The following KCNC2 variants were observed in gnomAD, a reference collection of about 807,000 sequenced individuals.
KCNC2 encodes potassium voltage-gated channel subfamily C member 2.
Under a neutral mutation model 44.5 loss-of-function variants are expected in KCNC2, and 21 were observed. That is an observed-to-expected ratio of 0.47 (90% CI 0.33 to 0.68). The LOEUF (loss-of-function observed/expected upper bound fraction) is 0.68, where lower values mean the gene tolerates loss of function less well. Ranked by LOEUF, KCNC2 falls within the 30% of genes least tolerant of loss-of-function variation. The probability of loss-of-function intolerance (pLI) is 0.01; values close to 1 mark genes in which losing one functional copy is unlikely to be tolerated. For missense variants in KCNC2, 589 were observed against 826.2 expected, an observed-to-expected ratio of 0.71 and a Z score of 3.52; for synonymous variants, 391 against 339.1, an observed-to-expected ratio of 1.15 and a Z score of -1.68.
Position 75,040,966 on chromosome 12 carries a change from T to C in KCNC2, c.*2139A>G. 1 of 666,558 alleles carries C rather than the reference T, an allele frequency of 1.5e-6. No individual in the cohort carries two copies. Among genetic ancestry groups the C allele is most frequent in the Non-Finnish European group, 2.6e-6 (1 of 380,870 alleles). The allele number at this position is 666,558 out of a possible 1,614,324, so 41.3% of individuals were successfully genotyped here. On this transcript the variant is annotated 3_prime_UTR_variant, in exon 5 of 5. Transcript: ENST00000549446. ...CATGTTGGTATTTACAGTTGTTTCATGGACACTGGCCAGTCTACAAGCAGA... is the reference window on the plus strand; with the variant it reads ...CATGTTGGTATTTACAGTTGTTTCACGGACACTGGCCAGTCTACAAGCAGA...
chr12:75,191,382 C>A (rs2030195615), intron 2 of KCNC2, among the ~76,000 whole-genome samples: 1 of 150,856 alleles, frequency 6.6e-6, no homozygotes, highest in Admixed American at 6.6e-5. Flanking sequence ...TCTGAATTTT[C>A]CATTGTAAAA....
chr12:75,144,197 TA>T (rs916057157), intron 2 of KCNC2, among the ~76,000 whole-genome samples: 11 of 152,058 alleles, frequency 7.2e-5, no homozygotes, highest in Non-Finnish European at 1.3e-4. Context: ...TTATCTTTTT[TA>T]AAAAATTAAT....
intron 2 of KCNC2, among the ~76,000 whole-genome samples, chr12:75,113,019 G>T (rs1302965114): frequency 6.6e-6 from 1 of 152,104 alleles, no homozygotes; most frequent in Non-Finnish European, 1.5e-5. Flanking sequence ...AATAAATGTA[G>T]TTTAACCAGG....
intron 2 of KCNC2, among the ~76,000 whole-genome samples, chr12:75,204,932 G>C (rs2065255748): frequency 6.6e-6 from 1 of 152,080 alleles, no homozygotes; most frequent in Non-Finnish European, 1.5e-5. Context: ...AGTTCAAACA[G>C]GATTCTTTTT....
At chr12:75,164,942 T>TCCA (rs1891349252) in intron 2 of KCNC2, among the ~76,000 whole-genome samples, 1 of 151,658 alleles carries the variant, frequency 6.6e-6, no homozygotes, top group Non-Finnish European at 1.5e-5. Flanking sequence ...TACCAAAGTG[T>TCCA]CCACCAACCT....
At chr12:75,151,565 G>C (rs2137466468) in intron 2 of KCNC2, among the ~76,000 whole-genome samples, 1 of 151,980 alleles carries the variant, frequency 6.6e-6, no homozygotes, top group South Asian at 2.1e-4. Context: ...TCATAAATGA[G>C]AACCAGAAGA....
At position 75,076,033 on chromosome 12, in the gene KCNC2, T is replaced by TTACA. The variant is rs1194680956; in HGVS notation, c.688-24720_688-24717dup. Among the ~76,000 whole-genome samples the TTACA allele has an allele frequency of 2.7e-5, 3 of 110,974 alleles. No homozygotes were observed. In the East Asian group the frequency reaches 8.6e-4, roughly 32 times the overall value. The allele number at this position is 110,974 out of a possible 152,430, so 72.8% of individuals were successfully genotyped here. A position where few individuals can be genotyped will look rare whatever the true frequency, so the allele number is the denominator to read the frequency against. On this transcript the variant is annotated intron_variant, in intron 2 of 4. Coordinates refer to ENST00000549446, the MANE Select transcript of KCNC2 (RefSeq NM_139137.4). ...ATCTTGGCTTAATGCCTTATTAATG[T>TTACA]TACATACACACACACACACACACAC...
rs1565693668 is a variant in KCNC2 at position 75,201,292 on chromosome 12, AAAAAAAC to A, written c.687+5998_687+6004del. Among the ~76,000 whole-genome samples, 84 of 66,054 alleles carry A rather than the reference AAAAAAAC, an allele frequency of 1.3e-3. 7 individuals are homozygous for A. The highest frequency in any genetic ancestry group is 4.2e-3 in the African/African-American group (58 of 13,956). 43.3% of individuals were successfully genotyped at this position (66,054 alleles called of 152,430 possible). A position where few individuals can be genotyped will look rare whatever the true frequency, so the allele number is the denominator to read the frequency against. ...AAAAAAAAAAAAAAAAAAAAAAAAA[AAAAAAAC>A]CAGATTCTGGTTTACTTTATTAGTG... On this transcript the variant is annotated intron_variant, in intron 2 of 4. Transcript: ENST00000549446.
At chr12:75,165,451 T>C (rs911748063) in intron 2 of KCNC2, among the ~76,000 whole-genome samples, 1 of 151,578 alleles carries the variant, frequency 6.6e-6, no homozygotes. Flanking sequence ...TCATGAGTTA[T>C]GAATGATAAC....
chr12:75,048,261 G>T lies in KCNC2; in HGVS notation c.1672C>A (p.Leu558Ile). The change falls in exon 4 of 5, where the codon CTC (leucine) becomes ATC (isoleucine). Residue 558 changes from leucine to isoleucine, a missense_variant. Physicochemically the swap from Leu to Ile is conservative, Grantham distance 5. Coordinates refer to ENST00000549446, the MANE Select transcript of KCNC2 (RefSeq NM_139137.4). ...SEPPLSPPER[L>I]PIRRSSTRDK... ...CTGGTACTAGAGCGTCTGATGGGGA[G>T]CCTTTCTGGGGGTGATAGTGGCGGC... 4 of 1,613,044 alleles carry T rather than the reference G, an allele frequency of 2.5e-6. No individual in the cohort carries two copies. Among genetic ancestry groups the T allele is most frequent in the Non-Finnish European group, 3.4e-6 (4 of 1,179,352 alleles).
intron 2 of KCNC2, among the ~76,000 whole-genome samples, chr12:75,145,936 AG>A (rs1368445388): frequency 6.6e-6 from 1 of 150,886 alleles, no homozygotes; most frequent in Non-Finnish European, 1.5e-5. Context: ...CTACAACTAA[AG>A]TCTTACAGTC....
At chr12:75,176,960 C>T (rs968721145) in intron 2 of KCNC2, among the ~76,000 whole-genome samples, 12 of 150,206 alleles carry the variant, frequency 8.0e-5, no homozygotes, top group African/African-American at 1.5e-4. Context: ...TGGACTATTG[C>T]GTCTCGTTAA....
chr12:75,130,555 C>A (rs567273090), intron 2 of KCNC2, among the ~76,000 whole-genome samples: 1 of 152,186 alleles, frequency 6.6e-6, no homozygotes, highest in South Asian at 2.1e-4. Context: ...CTAAATCATG[C>A]TCTGAATGAG....
intron 2 of KCNC2, among the ~76,000 whole-genome samples, chr12:75,081,104 C>T (rs1884460174): frequency 6.6e-6 from 1 of 152,072 alleles, no homozygotes; most frequent in Non-Finnish European, 1.5e-5. Context: ...TAACGCTATA[C>T]ACTAACTATA....
intron 3 of KCNC2, 114 bp downstream of exon 3, chr12:75,050,276 G>T: frequency 1.3e-6 from 1 of 789,224 alleles, no homozygotes; most frequent in Non-Finnish European, 2.1e-6. Flanking sequence ...TCGTGAAAGG[G>T]TTAGGGCTGA....
At chr12:75,086,681 A>AAAAATATATATATATAT (rs1206456289) in intron 2 of KCNC2, among the ~76,000 whole-genome samples, 15 of 54,170 alleles carry the variant, frequency 2.8e-4, no homozygotes, top group Admixed American at 4.2e-4. Flanking sequence ...AAAAAAAAAA[A>AAAAATATATATATATAT]ATATATATAT....
chr12:75,121,778 T>C (rs1888061581), intron 2 of KCNC2, among the ~76,000 whole-genome samples: 1 of 152,336 alleles, frequency 6.6e-6, no homozygotes, highest in East Asian at 1.9e-4. Context: ...GTCAGCTCAA[T>C]TGTAATATCA....
intron 2 of KCNC2, among the ~76,000 whole-genome samples, chr12:75,056,682 G>A (rs1273784270): frequency 6.6e-6 from 1 of 151,772 alleles, no homozygotes; most frequent in Non-Finnish European, 1.5e-5. Flanking sequence ...TTACATTAAA[G>A]TACAAGGATA....
At chr12:75,075,486 CAT>C (rs750311682) in intron 2 of KCNC2, among the ~76,000 whole-genome samples, 78 of 130,052 alleles carry the variant, frequency 6.0e-4, no homozygotes, top group African/African-American at 2.0e-3. Flanking sequence ...TATATATACA[CAT>C]ATATATATAT....
Sources: gnomAD v4.1 joint callset for allele counts (sites outside exome capture counted in the v4.1 genomes callset) on GRCh38, gnomAD v4.1.1 for gene constraint, MANE v1.5 for transcripts, NCBI Gene and HGNC (gene_info 2026-07-23, HGNC 2026-07-21) for gene names.